CNTNAP2: variants seen among roughly 807,000 people sequenced by gnomAD.
CNTNAP2 encodes the protein contactin associated protein 2.
Under a neutral mutation model 155.2 loss-of-function variants are expected in CNTNAP2, and 98 were observed. That is an observed-to-expected ratio of 0.63 (90% CI 0.54 to 0.75). CNTNAP2 has a LOEUF of 0.75. CNTNAP2 is among the 30% of genes least tolerant of loss of function. CNTNAP2 has a pLI of 0.00. For synonymous variants in CNTNAP2, 651 were observed against 631.2 expected, an observed-to-expected ratio of 1.03 and a Z score of -0.47; for missense variants, 1,727 against 1,688.1, an observed-to-expected ratio of 1.02 and a Z score of -0.40.
At position 147,410,991 on chromosome 7, in the gene CNTNAP2, G is replaced by A. The variant is rs934173465; in HGVS notation, c.1670+15211G>A. On this transcript the variant is annotated intron_variant, in intron 10 of 23. Coordinates refer to ENST00000361727, the MANE Select transcript of CNTNAP2 (RefSeq NM_014141.6). ...TCCACAGATGAGTAAAGAGATCCTCGCAACTTCTGATAGGACTCAACAAGT... is the reference window on the plus strand; with the variant it reads ...TCCACAGATGAGTAAAGAGATCCTCACAACTTCTGATAGGACTCAACAAGT... Among the ~76,000 whole-genome samples, 5 of 152,078 alleles carry A rather than the reference G, an allele frequency of 3.3e-5. No homozygotes were observed. In the South Asian group the frequency reaches 6.2e-4, roughly 19 times the overall value.
chr7:146,573,787 A>G (rs1449851635), intron 1 of CNTNAP2, among the ~76,000 whole-genome samples: 2 of 152,088 alleles, frequency 1.3e-5, no homozygotes, highest in African/African-American at 2.4e-5. Flanking sequence ...GACATTAGCT[A>G]TGTGTTCTTG....
intron 20 of CNTNAP2, among the ~76,000 whole-genome samples, chr7:148,256,210 A>T (rs746778858): frequency 6.6e-6 from 1 of 152,030 alleles, no homozygotes; most frequent in Non-Finnish European, 1.5e-5. Flanking sequence ...CATCACCAAA[A>T]CCGGTCGAAG....
chr7:147,978,460 A>G (rs1278070309), intron 15 of CNTNAP2, among the ~76,000 whole-genome samples: 3 of 152,138 alleles, frequency 2.0e-5, no homozygotes, highest in Non-Finnish European at 4.4e-5. Context: ...AAACTTCATC[A>G]TCATCAGAGC....
chr7:147,190,276 A>G (rs1016559237), intron 8 of CNTNAP2, among the ~76,000 whole-genome samples: 2 of 152,172 alleles, frequency 1.3e-5, no homozygotes, highest in African/African-American at 4.8e-5. Context: ...TAAAGGAATC[A>G]CTACTTATGT....
chr7:147,679,944 A>C (rs1021558076), intron 13 of CNTNAP2, among the ~76,000 whole-genome samples: 6 of 151,842 alleles, frequency 4.0e-5, no homozygotes, highest in African/African-American at 1.5e-4. Context: ...GCTTATTCAA[A>C]TTGGTCAACT....
chr7:148,026,472 A>G (rs73468119), intron 15 of CNTNAP2, among the ~76,000 whole-genome samples: 9,463 of 152,116 alleles, frequency 0.062, 651 homozygotes, highest in African/African-American at 0.17. Context: ...TATGTTTTAT[A>G]CTTCTCACTA....
chr7:148,086,141 T>C (rs565337283), intron 15 of CNTNAP2, among the ~76,000 whole-genome samples: 66 of 152,328 alleles, frequency 4.3e-4, no homozygotes, highest in African/African-American at 1.5e-3. Flanking sequence ...GCACAATTAC[T>C]TGGTGTGTTG....
intron 9 of CNTNAP2, among the ~76,000 whole-genome samples, chr7:147,309,436 A>G (rs1206150591): frequency 6.6e-6 from 1 of 152,202 alleles, no homozygotes; most frequent in Admixed American, 6.5e-5. Context: ...CTAATATTAT[A>G]TAATTGGAAA....
chr7:147,878,815 A>G (rs1799469940), intron 13 of CNTNAP2, among the ~76,000 whole-genome samples: 1 of 152,144 alleles, frequency 6.6e-6, no homozygotes, highest in African/African-American at 2.4e-5. Flanking sequence ...CTACTGAATA[A>G]ATTCTTACCA....
At chr7:147,137,969 C>A (rs1247127671) in intron 8 of CNTNAP2, among the ~76,000 whole-genome samples, 1 of 151,688 alleles carries the variant, frequency 6.6e-6, no homozygotes, top group East Asian at 1.9e-4. Flanking sequence ...TATCAGGTAA[C>A]AACATATTCC....
At chr7:147,518,409 G>A (rs1378668319) in intron 11 of CNTNAP2, among the ~76,000 whole-genome samples, 1 of 152,144 alleles carries the variant, frequency 6.6e-6, no homozygotes, top group Non-Finnish European at 1.5e-5. Flanking sequence ...AAGGAGACAG[G>A]CAAGATGCTG....
intron 1 of CNTNAP2, among the ~76,000 whole-genome samples, chr7:146,749,117 AACATAT>A (rs1801860386): frequency 6.6e-6 from 1 of 152,148 alleles, no homozygotes; most frequent in Non-Finnish European, 1.5e-5. Context: ...ACACATATAT[AACATAT>A]ACATATATAC....
At chr7:146,865,573 G>T (rs1156229691) in intron 3 of CNTNAP2, among the ~76,000 whole-genome samples, 1 of 152,034 alleles carries the variant, frequency 6.6e-6, no homozygotes, top group South Asian at 2.1e-4. Context: ...TCAACAAATG[G>T]TGTTAGAAAA....
chr7:147,723,758 A>C (rs1024531844), intron 13 of CNTNAP2, among the ~76,000 whole-genome samples: 3 of 152,034 alleles, frequency 2.0e-5, no homozygotes, highest in African/African-American at 7.2e-5. Flanking sequence ...TTTAATTGAC[A>C]CACAATAATT....
intron 4 of CNTNAP2, among the ~76,000 whole-genome samples, chr7:147,087,799 A>G (rs1441294066): frequency 6.6e-6 from 1 of 152,050 alleles, no homozygotes; most frequent in Non-Finnish European, 1.5e-5. Context: ...AACATGGTGA[A>G]ACCCCATCTC....
At chr7:147,290,683 CAAA>C (rs71182191) in intron 8 of CNTNAP2, among the ~76,000 whole-genome samples, 6 of 73,310 alleles carry the variant, frequency 8.2e-5, no homozygotes, top group African/African-American at 3.2e-4. Flanking sequence ...ACTCCATCTC[CAAA>C]AAAAAAAAAA....
chr7:148,390,411 C>CTCTGAAAGATAG (rs1486978459), intron 22 of CNTNAP2, among the ~76,000 whole-genome samples: 4 of 152,318 alleles, frequency 2.6e-5, no homozygotes, highest in African/African-American at 9.6e-5. Flanking sequence ...TGCTAACCTA[C>CTCTGAAAGATAG]TCTGAAAGAT....
chr7:147,397,593 G>C (rs1366029114), intron 10 of CNTNAP2, among the ~76,000 whole-genome samples: 1 of 151,910 alleles, frequency 6.6e-6, no homozygotes. Flanking sequence ...GATATGTTGA[G>C]ATATTAATGT....
intron 16 of CNTNAP2, among the ~76,000 whole-genome samples, chr7:148,118,987 A>G (rs1804538691): frequency 6.6e-6 from 1 of 152,212 alleles, no homozygotes; most frequent in African/African-American, 2.4e-5. Context: ...ACAAGACTTG[A>G]GAAGCGCAAT....
Sources: gnomAD v4.1 joint callset for allele counts (sites outside exome capture counted in the v4.1 genomes callset) on GRCh38, gnomAD v4.1.1 for gene constraint, MANE v1.5 for transcripts, NCBI Gene and HGNC (gene_info 2026-07-23, HGNC 2026-07-21) for gene names.